KCND2: variants seen among roughly 807,000 people sequenced by gnomAD.
KCND2 encodes A-type voltage-gated potassium channel KCND2.
Under a neutral mutation model 54.4 loss-of-function variants are expected in KCND2, and 16 were observed. That is an observed-to-expected ratio of 0.29 (90% confidence interval 0.20 to 0.45). The LOEUF (loss-of-function observed/expected upper bound fraction) is 0.45, where lower values mean the gene tolerates loss of function less well. Ranked by LOEUF, KCND2 falls within the 20% of genes least tolerant of loss-of-function variation. The pLI, the probability that KCND2 is intolerant of heterozygous loss-of-function variation, is 1.00. For missense variants in KCND2, 486 were observed against 824.2 expected (o/e 0.59, Z 5.02); for synonymous variants, 317 against 310.7 (o/e 1.02, Z -0.21).
chr7:120,423,481 G>A (rs774944484), intron 1 of KCND2, among the ~76,000 whole-genome samples: 3 of 152,332 alleles, frequency 2.0e-5, no homozygotes, highest in Non-Finnish European at 4.4e-5. Context: ...ATCTCCCAAA[G>A]TAAGAGCATG....
intron 1 of KCND2, among the ~76,000 whole-genome samples, chr7:120,561,402 A>G (rs1792230467): frequency 2.0e-5 from 3 of 152,258 alleles, no homozygotes; most frequent in Non-Finnish European, 4.4e-5. Context: ...CATATACTAT[A>G]TTAGGCACTG....
At chr7:120,645,658 T>A (rs1286018644) in intron 1 of KCND2, among the ~76,000 whole-genome samples, 1 of 152,176 alleles carries the variant, frequency 6.6e-6, no homozygotes, top group African/African-American at 2.4e-5. Flanking sequence ...CTGCTTCCAA[T>A]GGCTGGCCAC....
At chr7:120,360,925 C>A (rs1800583955) in intron 1 of KCND2, among the ~76,000 whole-genome samples, 1 of 152,066 alleles carries the variant, frequency 6.6e-6, no homozygotes, top group Non-Finnish European at 1.5e-5. Context: ...TGAGCATAAT[C>A]TGTAAGCAAC....
intron 1 of KCND2, among the ~76,000 whole-genome samples, chr7:120,639,826 A>G (rs930530305): frequency 7.9e-5 from 12 of 152,164 alleles, no homozygotes; most frequent in Admixed American, 2.0e-4. Context: ...GCTTCACACA[A>G]AAGGATTTTT....
At chr7:120,410,070 G>A (rs910660147) in intron 1 of KCND2, among the ~76,000 whole-genome samples, 1 of 151,766 alleles carries the variant, frequency 6.6e-6, no homozygotes, top group Non-Finnish European at 1.5e-5. Context: ...GAGATAAAAA[G>A]TCAAGGTTTA....
chr7:120,733,730 G>T (rs1408925886), intron 2 of KCND2, among the ~76,000 whole-genome samples: 1 of 151,992 alleles, frequency 6.6e-6, no homozygotes, highest in African/African-American at 2.4e-5. Flanking sequence ...TTTTATTCTC[G>T]TCCCAGCAGC....
intron 1 of KCND2, among the ~76,000 whole-genome samples, chr7:120,625,336 C>T (rs1793152162): frequency 6.6e-6 from 1 of 152,132 alleles, no homozygotes; most frequent in African/African-American, 2.4e-5. Flanking sequence ...GTCTCCATTC[C>T]AATTTTCACA....
chr7:120,715,001 T>C (rs145504981), intron 1 of KCND2, among the ~76,000 whole-genome samples: 1 of 152,204 alleles, frequency 6.6e-6, no homozygotes, highest in African/African-American at 2.4e-5. Flanking sequence ...CTAAAGATAG[T>C]GTAGACCAAA....
chr7:120,300,249 T>A (rs1411906921), intron 1 of KCND2, among the ~76,000 whole-genome samples: 1 of 152,146 alleles, frequency 6.6e-6, no homozygotes, highest in African/African-American at 2.4e-5. Flanking sequence ...GATATTATAA[T>A]TTTATGCTTC....
chr7:120,508,524 T>C (rs1355756457), intron 1 of KCND2, among the ~76,000 whole-genome samples: 4 of 152,006 alleles, frequency 2.6e-5, no homozygotes, highest in Admixed American at 6.6e-5. Flanking sequence ...CTTATTCGCA[T>C]TATGATGAAA....
intron 1 of KCND2, among the ~76,000 whole-genome samples, chr7:120,290,365 G>T (rs1480134414): frequency 1.3e-5 from 2 of 151,912 alleles, no homozygotes; most frequent in African/African-American, 4.8e-5. Flanking sequence ...AATAAACTTA[G>T]AATTTTGAGA....
intron 1 of KCND2, among the ~76,000 whole-genome samples, chr7:120,369,706 C>G (rs1431538538): frequency 6.6e-6 from 1 of 151,978 alleles, no homozygotes; most frequent in East Asian, 1.9e-4. Flanking sequence ...GCATTGTTAA[C>G]TGCTAACCAG....
At chr7:120,554,368 A>T (rs1408076862) in intron 1 of KCND2, among the ~76,000 whole-genome samples, 2 of 151,496 alleles carry the variant, frequency 1.3e-5, no homozygotes, top group African/African-American at 4.8e-5. Flanking sequence ...CCAGCCCCAG[A>T]GTTTCTGGTT....
chr7:120,700,101 TTG>T (rs1792381684), intron 1 of KCND2, among the ~76,000 whole-genome samples: 13 of 152,038 alleles, frequency 8.6e-5, no homozygotes, highest in Non-Finnish European at 1.0e-4. Context: ...ATGCCATAGA[TTG>T]GTCAAGAAAA....
chr7:120,535,338 A>C (rs1791892815), intron 1 of KCND2, among the ~76,000 whole-genome samples: 1 of 152,076 alleles, frequency 6.6e-6, no homozygotes, highest in African/African-American at 2.4e-5. Flanking sequence ...ATTTCATTAC[A>C]GTTTCTGGTT....
At chr7:120,708,451 C>T (rs914110809) in intron 1 of KCND2, among the ~76,000 whole-genome samples, 1 of 152,078 alleles carries the variant, frequency 6.6e-6, no homozygotes, top group African/African-American at 2.4e-5. Flanking sequence ...AATATTTACA[C>T]ACATGTCTAA....
intron 1 of KCND2, among the ~76,000 whole-genome samples, chr7:120,429,435 G>A (rs1016278265): frequency 2.6e-5 from 4 of 151,704 alleles, no homozygotes; most frequent in Admixed American, 1.3e-4. Flanking sequence ...ATGACCAAAC[G>A]GAAGTTACAC....
chr7:120,479,285 G>A (rs950772185), intron 1 of KCND2, among the ~76,000 whole-genome samples: 2 of 151,946 alleles, frequency 1.3e-5, no homozygotes, highest in African/African-American at 4.8e-5. Flanking sequence ...AAATTCCTGA[G>A]TTTTTAAAAT....
intron 1 of KCND2, among the ~76,000 whole-genome samples, chr7:120,716,736 C>T (rs1792608041): frequency 6.6e-6 from 1 of 152,066 alleles, no homozygotes; most frequent in South Asian, 2.1e-4. Flanking sequence ...TTCAGTCTCT[C>T]CCAATTAAAA....
Sources: allele counts gnomAD v4.1 joint callset (sites outside exome capture counted in the v4.1 genomes callset), GRCh38; gene constraint gnomAD v4.1.1; transcripts MANE v1.5; gene names NCBI Gene and HGNC (gene_info 2026-07-23, HGNC 2026-07-21).